The following PARP1 variants were observed in gnomAD, a reference collection of about 807,000 sequenced individuals.
PARP1 encodes poly(ADP-ribose) polymerase 1.
Under a neutral mutation model 118.7 loss-of-function variants are expected in PARP1, and 44 were observed. The ratio of observed to expected loss-of-function variants is 0.37; its 90% CI spans 0.29 to 0.48. PARP1 has a LOEUF of 0.48. Among genes scored for constraint, PARP1 ranks in the 20% least tolerant of loss-of-function variants. The pLI, the probability that PARP1 is intolerant of heterozygous loss-of-function variation, is 0.99. For missense variants in PARP1, 1,100 were observed against 1,272.4 expected (o/e 0.86, Z 2.06); for synonymous variants, 492 against 483.2 (o/e 1.02, Z -0.24).
At chr1:226,364,102 C>T in intron 19 of PARP1, 32 bp from the exon 20 acceptor site, 3 of 1,612,190 alleles carry the variant, frequency 1.9e-6, no homozygotes, top group Non-Finnish European at 2.5e-6. Flanking sequence ...AGCTGAGAAT[C>T]TTCTGATGGG....
rs2271346 is a variant in PARP1, at chr1:226,377,348, T to G, written c.1746-45A>C. The G allele has an allele frequency of 6.6e-3, 9,845 of 1,493,786 alleles. 418 individuals are homozygous for G. In the South Asian group the frequency reaches 0.076, roughly 12 times the overall value. 92.5% of individuals were successfully genotyped at this position (1,493,786 alleles called of 1,614,324 possible). ...GTCAGATACACATGTGTGGGTCAGC[T>G]GTCCCATTTCAGGAGCTCCCCTTTC... On this transcript the variant is annotated intron_variant, in intron 12 of 22. Transcript: ENST00000366794.
chr1:226,383,355 T>C (rs1664656781), intron 7 of PARP1, among the ~76,000 whole-genome samples, 172 bp from the exon 8 acceptor site: 1 of 152,226 alleles, frequency 6.6e-6, no homozygotes. Flanking sequence ...GACAGTATTA[T>C]TGCTGCTACA....
chr1:226,379,248 C>G lies in PARP1; in HGVS notation c.1639G>C (p.Glu547Gln). The G allele has an allele frequency of 5.6e-6, 9 of 1,614,260 alleles. No homozygotes were observed. The highest frequency in any genetic ancestry group is 7.6e-6 in the Non-Finnish European group (9 of 1,180,044). Residue 547 changes from glutamate (E) to glutamine (Q), a missense_variant, in exon 12 of 23, where the codon GAG (glutamate) becomes CAG (glutamine). Physicochemically the swap from Glu to Gln is conservative, Grantham distance 29. This residue lies in a region of PARP1 where 948 missense variants were observed against 1,031.8 expected (regional missense o/e 0.92). Coordinates refer to ENST00000366794, the MANE Select transcript of PARP1 (RefSeq NM_001618.4). ...GCACTGAAGACCTTCCCACCTTTCT[C>G]CAGGACATGCGCAGAGTGTTCCAGT... Reference protein sequence around the residue: ...SGLEHSAHVLEKGGKVFSATL... With the variant: ...SGLEHSAHVLQKGGKVFSATL...
At chr1:226,393,541 GAACT>G (rs1191269298) in intron 2 of PARP1, among the ~76,000 whole-genome samples, 2 of 152,116 alleles carry the variant, frequency 1.3e-5, no homozygotes, top group African/African-American at 4.8e-5. Context: ...GAAATAAAAA[GAACT>G]AATGACACAC....
Position 226,402,446 on chromosome 1 carries a change from T to G in PARP1, c.121-67A>C, listed in dbSNP as rs1328012167. The stretch of plus-strand genomic sequence containing the variant: ...CTTTTGACTTAGACCCACTAGACCT[T>G]GACCTTGACCTCGACCCCAGTCCCA... On this transcript the variant is annotated intron_variant, in intron 1 of 22. Coordinates refer to ENST00000366794, the MANE Select transcript of PARP1 (RefSeq NM_001618.4). The G allele has an allele frequency of 1.4e-5, 20 of 1,470,660 alleles. No individual in the cohort carries two copies. The East Asian group carries it at 4.6e-4, about 34-fold the overall frequency. The allele number at this position is 1,470,660 out of a possible 1,614,324, so 91.1% of individuals were successfully genotyped here. A position where few individuals can be genotyped will look rare whatever the true frequency, so the allele number is the denominator to read the frequency against.
At position 226,380,132 on chromosome 1, in the gene PARP1, C is replaced by T. The variant is rs1664576755; in HGVS notation, c.1333G>A (p.Glu445Lys). 6.2e-7 allele frequency: 1 copy of T among 1,614,030 alleles called. No individual in the cohort carries two copies. Among genetic ancestry groups the T allele is most frequent in the Non-Finnish European group, 8.5e-7 (1 of 1,180,012 alleles). ...ACTCGGATGTTGGCTTCCTTTACTT[C>T]CTCCATCTTCTTATTCATCTTTTCC... ...EVEKMNKKME[E>K]VKEANIRVVS... Residue 445 changes from glutamate (E) to lysine (K), a missense_variant, in exon 10 of 23, where the codon GAA becomes AAA. Physicochemically the swap from Glu to Lys is moderately conservative, Grantham distance 56. Transcript: ENST00000366794.
chr1:226,364,453 C>T (rs778394876), intron 19 of PARP1: 9 of 339,400 alleles, frequency 2.7e-5, no homozygotes, highest in South Asian at 4.8e-5. Flanking sequence ...AAATGAAACA[C>T]GAGGTTCACA....
rs762041208 is a variant in PARP1 at position 226,379,227 on chromosome 1, T to C, written c.1660A>G (p.Ser554Gly). ...HVLEKGGKVF[S>G]ATLGLVDIVK... ...ATGTCCACCAGGCCAAGGGTGGCAC[T>C]GAAGACCTTCCCACCTTTCTCCAGG... is the stretch of plus-strand genomic sequence containing the variant. Residue 554 changes from serine to glycine, a missense_variant, in exon 12 of 23, where the codon AGT (serine) becomes GGT (glycine). Physicochemically the swap from Ser to Gly is moderately conservative, Grantham distance 56 (BLOSUM62 0). Coordinates refer to ENST00000366794, the MANE Select transcript of PARP1 (RefSeq NM_001618.4). 6.8e-6 allele frequency: 11 copies of C among 1,614,204 alleles called. No individual in the cohort carries two copies. The highest frequency in any genetic ancestry group is 9.3e-6 in the Non-Finnish European group (11 of 1,179,988).
intron 7 of PARP1, 37 bp from the exon 8 acceptor site, chr1:226,383,220 T>A: frequency 6.3e-7 from 1 of 1,582,918 alleles, no homozygotes; most frequent in Non-Finnish European, 8.7e-7. Flanking sequence ...AAGCCAGCTC[T>A]CCCTTGAGGT....
At chr1:226,403,402 A>G (rs535549856) in intron 1 of PARP1, among the ~76,000 whole-genome samples, 3 of 152,250 alleles carry the variant, frequency 2.0e-5, no homozygotes, top group Non-Finnish European at 4.4e-5. Flanking sequence ...CTGGTCTCGA[A>G]CTTCTGACCT....
chr1:226,392,832 TG>T (rs1664845914), intron 2 of PARP1: 9 of 1,092,186 alleles, frequency 8.2e-6, no homozygotes, highest in Middle Eastern at 2.1e-4. Flanking sequence ...TAAAGAGTTC[TG>T]GGGATCACTG....
chr1:226,398,291 G>A (rs545893520), intron 2 of PARP1, among the ~76,000 whole-genome samples: 1 of 152,276 alleles, frequency 6.6e-6, no homozygotes, highest in East Asian at 1.9e-4. Context: ...GGACTCAACA[G>A]TAAGAAAACA....
At chr1:226,386,208 G>C in intron 6 of PARP1, 118 bp downstream of exon 6, 1 of 739,020 alleles carries the variant, frequency 1.4e-6, no homozygotes, top group Non-Finnish European at 2.5e-6. Context: ...TATACTCCTT[G>C]CAATTAATAC....
At chr1:226,404,591 G>A (rs1056748401) in intron 1 of PARP1, among the ~76,000 whole-genome samples, 1 of 152,182 alleles carries the variant, frequency 6.6e-6, no homozygotes, top group African/African-American at 2.4e-5. Flanking sequence ...CTGCCCAATG[G>A]TGCAATCACA....
chr1:226,361,686 C>T (rs775510889), intron 22 of PARP1, 145 bp from the exon 23 acceptor site: 6 of 716,956 alleles, frequency 8.4e-6, no homozygotes, highest in African/African-American at 1.8e-5. Context: ...GCCTCATCTC[C>T]CCGGGGCTGG....
chr1:226,368,146 T>C (rs1664307381), intron 16 of PARP1, 53 bp downstream of exon 16: 9 of 1,611,308 alleles, frequency 5.6e-6, no homozygotes, highest in Non-Finnish European at 6.8e-6. Context: ...GGCTGCAAGG[T>C]AGTCACACCC....
At chr1:226,385,309 T>TA (rs1664693313) in intron 7 of PARP1, among the ~76,000 whole-genome samples, 195 bp downstream of exon 7, 1 of 152,210 alleles carries the variant, frequency 6.6e-6, no homozygotes, top group Non-Finnish European at 1.5e-5. Flanking sequence ...ACTCCATACT[T>TA]AGAGGAGCTT....
intron 12 of PARP1, 116 bp downstream of exon 12, chr1:226,379,026 G>T: frequency 7.8e-7 from 1 of 1,275,350 alleles, no homozygotes; most frequent in Non-Finnish European, 1.1e-6. Context: ...TCTGTGATTA[G>T]ATTTCATTCC....
intron 19 of PARP1, chr1:226,364,301 G>A: frequency 2.0e-6 from 1 of 496,554 alleles, no homozygotes; most frequent in Non-Finnish European, 3.8e-6. Flanking sequence ...TAACCTCTCT[G>A]GACTCTACTT....
Sources: gnomAD v4.1 joint callset for allele counts (sites outside exome capture counted in the v4.1 genomes callset) on GRCh38, gnomAD v4.1.1 for gene constraint, gnomAD v4.1.1 regional missense constraint, MANE v1.5 for transcripts, NCBI Gene and HGNC (gene_info 2026-07-23, HGNC 2026-07-21) for gene names.